Variants in SRGAP2 observed in about 807,000 individuals in gnomAD.
SRGAP2 encodes the protein SLIT-ROBO Rho GTPase activating protein 2.
A neutral mutation model predicts 57.2 loss-of-function variants in SRGAP2; 15 were observed. The observed-to-expected ratio is 0.26, with a 90% CI of 0.18 to 0.40. SRGAP2 has a LOEUF of 0.40. Among genes scored for constraint, SRGAP2 ranks in the 10% least tolerant of loss-of-function variants. SRGAP2 has a pLI of 1.00. For synonymous variants in SRGAP2, 249 were observed against 248.0 expected, an observed-to-expected ratio of 1.00 and a Z score of -0.04; for missense variants, 520 against 669.6, an observed-to-expected ratio of 0.78 and a Z score of 2.47.
chr1:206,410,872 T>C (rs1193935794), intron 10 of SRGAP2, among the ~76,000 whole-genome samples: 1 of 152,214 alleles, frequency 6.6e-6, no homozygotes, highest in Non-Finnish European at 1.5e-5. Flanking sequence ...TTCCTTTGTT[T>C]TTTGGAAACC....
At chr1:206,416,771 C>T (rs188385008) in intron 11 of SRGAP2, among the ~76,000 whole-genome samples, 17 of 152,256 alleles carry the variant, frequency 1.1e-4, no homozygotes, top group South Asian at 4.1e-4. Flanking sequence ...GCCGCCCCCC[C>T]CTCCCTGCCC....
intron 5 of SRGAP2, among the ~76,000 whole-genome samples, chr1:206,386,207 AAG>A (rs1271868489): frequency 1.3e-5 from 2 of 152,196 alleles, no homozygotes; most frequent in African/African-American, 4.8e-5. Context: ...TCCCACAACA[AAG>A]AATTATCTGA....
chr1:206,422,666 C>T (rs1553364830), intron 13 of SRGAP2, among the ~76,000 whole-genome samples: 1 of 152,194 alleles, frequency 6.6e-6, no homozygotes, highest in African/African-American at 2.4e-5. Flanking sequence ...GGGTTTGCAG[C>T]TCCACTGTGG....
At chr1:206,460,314 T>A (rs781919261) in intron 22 of SRGAP2, among the ~76,000 whole-genome samples, 12 of 152,314 alleles carry the variant, frequency 7.9e-5, no homozygotes, top group Non-Finnish European at 1.5e-4. Flanking sequence ...CTTGAGTCCC[T>A]GGGCTAGGAC....
intron 4 of SRGAP2, among the ~76,000 whole-genome samples, chr1:206,346,638 C>G (rs1329442804): frequency 2.0e-5 from 3 of 152,004 alleles, no homozygotes; most frequent in African/African-American, 7.2e-5. Flanking sequence ...GGACCCATTT[C>G]TCTGGGGACA....
rs1470515316 is a variant in SRGAP2, at chr1:206,303,549, C to G, written c.260+76C>G. 55 of 739,310 alleles carry G rather than the reference C, an allele frequency of 7.4e-5. No individual in the cohort carries two copies. In the African/African-American group the frequency reaches 7.9e-4, roughly 11 times the overall value. The allele number at this position is 739,310 out of a possible 1,614,324, so 45.8% of individuals were successfully genotyped here. On this transcript the variant is annotated intron_variant, in intron 3 of 22. Coordinates refer to ENST00000573034, the MANE Select transcript of SRGAP2 (RefSeq NM_015326.5). ...GGGTGGAGGGGGGCAGGGTATGCCACTTAGATCCAGCTGAATTCAGGAGCC... is the reference window on the plus strand; with the variant it reads ...GGGTGGAGGGGGGCAGGGTATGCCAGTTAGATCCAGCTGAATTCAGGAGCC...
intron 3 of SRGAP2, among the ~76,000 whole-genome samples, chr1:206,340,481 T>C (rs1289425392): frequency 6.6e-6 from 1 of 151,574 alleles, no homozygotes; most frequent in Non-Finnish European, 1.5e-5. Flanking sequence ...ATTATTTGTG[T>C]GTATGTAAAG....
intron 2 of SRGAP2, among the ~76,000 whole-genome samples, chr1:206,270,688 T>C (rs1571730496): frequency 8.0e-6 from 1 of 125,354 alleles, no homozygotes; most frequent in Non-Finnish European, 1.6e-5. Flanking sequence ...TGTACTAATA[T>C]GAAAAATCTC....
chr1:206,450,184 A>G (rs1553375321), intron 18 of SRGAP2, among the ~76,000 whole-genome samples: 1 of 152,208 alleles, frequency 6.6e-6, no homozygotes, highest in Non-Finnish European at 1.5e-5. Flanking sequence ...AGTAGTCTCA[A>G]GTGGTTTTTG....
At chr1:206,333,121 G>GGGGGACA (rs1674498172) in intron 3 of SRGAP2, among the ~76,000 whole-genome samples, 1 of 144,360 alleles carries the variant, frequency 6.9e-6, no homozygotes, top group Non-Finnish European at 1.5e-5. Flanking sequence ...TAGGCTGCTC[G>GGGGGACA]GGGGTCAGGG....
chr1:206,257,721 G>A lies in SRGAP2; in HGVS notation c.68-45560G>A, dbSNP rs556611177. Among the ~76,000 whole-genome samples the A allele has an allele frequency of 3.6e-4, 42 of 117,492 alleles. 4 individuals are homozygous for A. Among genetic ancestry groups the A allele is most frequent in the Middle Eastern group, 7.9e-3 (2 of 252 alleles). 77.1% of individuals were successfully genotyped at this position (117,492 alleles called of 152,430 possible). A position where few individuals can be genotyped will look rare whatever the true frequency, so the allele number is the denominator to read the frequency against. ...CTAATAGTGGTAGAGTAGTGTGGTG[G>A]TAGGAAAGCAGACTATATATATACA... On this transcript the variant is annotated intron_variant, in intron 2 of 22. Transcript: ENST00000573034.
rs1433398788 is a variant in SRGAP2 at position 206,421,291 on chromosome 1, G to A, written c.1494+17G>A. 4 of 776,972 alleles carry A rather than the reference G, an allele frequency of 5.1e-6. No homozygotes were observed. Among genetic ancestry groups the A allele is most frequent in the African/African-American group, 5.1e-5 (3 of 59,016 alleles). The allele number at this position is 776,972 out of a possible 1,614,324, so 48.1% of individuals were successfully genotyped here. A position where few individuals can be genotyped will look rare whatever the true frequency, so the allele number is the denominator to read the frequency against. On this transcript the variant is annotated intron_variant, in intron 13 of 22. Coordinates refer to ENST00000573034, the MANE Select transcript of SRGAP2 (RefSeq NM_015326.5). Reference sequence around the variant, plus strand: ...AGGAAACAGGTAAGGGCCCAAGCGGGGCCAGGCTGGTCTGGCCTGAAAATA... The same window carrying A: ...AGGAAACAGGTAAGGGCCCAAGCGGAGCCAGGCTGGTCTGGCCTGAAAATA...
chr1:206,357,729 G>A (rs1193976174), intron 4 of SRGAP2, among the ~76,000 whole-genome samples: 8 of 150,418 alleles, frequency 5.3e-5, no homozygotes, highest in South Asian at 2.1e-4. Flanking sequence ...GATTACAGGC[G>A]TGGGCTACCA....
chr1:206,445,016 A>G (rs1662634205), intron 17 of SRGAP2, among the ~76,000 whole-genome samples: 1 of 152,240 alleles, frequency 6.6e-6, no homozygotes, highest in African/African-American at 2.4e-5. Flanking sequence ...TGAGGGGTAC[A>G]CTACAGAAAC....
intron 13 of SRGAP2, among the ~76,000 whole-genome samples, chr1:206,428,938 G>A (rs1408514844): frequency 2.0e-5 from 3 of 152,186 alleles, no homozygotes; most frequent in South Asian, 4.1e-4. Flanking sequence ...GTGAGCGACC[G>A]CACCTGGCCT....
intron 2 of SRGAP2, among the ~76,000 whole-genome samples, chr1:206,257,043 G>A (rs1272888613): frequency 1.5e-5 from 2 of 129,372 alleles, no homozygotes; most frequent in Non-Finnish European, 3.2e-5. Flanking sequence ...CTACTACTGC[G>A]AGAGTGTGGG....
At position 206,353,723 on chromosome 1, in the gene SRGAP2, A is replaced by G. The variant is rs1355654936; in HGVS notation, c.423+10715A>G. Among the ~76,000 whole-genome samples, 2 of 149,530 alleles carry G rather than the reference A, an allele frequency of 1.3e-5. 1 individual carries two copies. The highest frequency in any genetic ancestry group is 5.1e-5 in the African/African-American group (2 of 39,380). On this transcript the variant is annotated intron_variant, in intron 4 of 22. Transcript: ENST00000573034. ...AAATAAATAAATAAATAAATAAATA[A>G]TTAAAACAACCAATTCTTTCTTTTG...
intron 5 of SRGAP2, among the ~76,000 whole-genome samples, chr1:206,389,449 T>G (rs1448827439): frequency 6.6e-6 from 1 of 152,218 alleles, no homozygotes; most frequent in African/African-American, 2.4e-5. Flanking sequence ...AGTGCTGGGA[T>G]TACAGGCATG....
rs66901207 is a variant in SRGAP2, at chr1:206,229,931, T to TACACACACACACACACACACACACACAC, written c.67+23903_67+23930dup. Among the ~76,000 whole-genome samples, 26 of 141,748 alleles carry TACACACACACACACACACACACACACAC rather than the reference T, an allele frequency of 1.8e-4. 1 individual carries two copies. Among genetic ancestry groups the TACACACACACACACACACACACACACAC allele is most frequent in the African/African-American group, 6.9e-4 (26 of 37,866 alleles). The allele number at this position is 141,748 out of a possible 152,430, so 93.0% of individuals were successfully genotyped here. The stretch of plus-strand genomic sequence containing the variant: ...AGAGAGATATATATGTACACATACA[T>TACACACACACACACACACACACACACAC]ACACACACACACACACACACACACA... On this transcript the variant is annotated intron_variant, in intron 2 of 22. Coordinates refer to ENST00000573034, the MANE Select transcript of SRGAP2 (RefSeq NM_015326.5).
Sources: allele counts gnomAD v4.1 joint callset (sites outside exome capture counted in the v4.1 genomes callset), GRCh38; gene constraint gnomAD v4.1.1; transcripts MANE v1.5; gene names NCBI Gene and HGNC (gene_info 2026-07-23, HGNC 2026-07-21).